The following CNTNAP2 variants were observed in gnomAD, a reference collection of about 807,000 sequenced individuals.
CNTNAP2 encodes the protein contactin associated protein 2, also known as contactin-associated protein-like 2.
In CNTNAP2, 98 loss-of-function variants were observed where a neutral mutation model predicts 155.2. That is an observed-to-expected ratio of 0.63 (90% CI 0.54 to 0.75). CNTNAP2 has a LOEUF of 0.75. CNTNAP2 is among the 30% of genes least tolerant of loss of function. The probability of loss-of-function intolerance (pLI) is 0.00; values close to 1 mark genes in which losing one functional copy is unlikely to be tolerated. For missense variants in CNTNAP2, 1,727 were observed against 1,688.1 expected (o/e 1.02, Z -0.40); for synonymous variants, 651 against 631.2 (o/e 1.03, Z -0.47).
chr7:148,161,198 G>C (rs77647939), intron 17 of CNTNAP2, among the ~76,000 whole-genome samples: 1 of 152,076 alleles, frequency 6.6e-6, no homozygotes, highest in Non-Finnish European at 1.5e-5. Context: ...TTTTGCTGCC[G>C]CTTCATGTCG....
In CNTNAP2 at chr7:147,485,930, G is replaced by C. The variant is rs754404154; in HGVS notation, c.1671-5G>C. On this transcript the variant is annotated splice_polypyrimidine_tract_variant and splice_region_variant and intron_variant, in intron 10 of 23. Transcript: ENST00000361727. ...TTTATTTCTGTTTGTCTCTCTCTCT[G>C]ACAGATGTGTGCCCAATCACTGTGA... 1 of 1,613,782 alleles carries C rather than the reference G, an allele frequency of 6.2e-7. No individual in the cohort carries two copies. Among genetic ancestry groups the C allele is most frequent in the Non-Finnish European group, 8.5e-7 (1 of 1,179,738 alleles).
At chr7:148,364,817 C>A (rs957920799) in intron 21 of CNTNAP2, among the ~76,000 whole-genome samples, 5 of 152,192 alleles carry the variant, frequency 3.3e-5, no homozygotes, top group Non-Finnish European at 5.9e-5. Context: ...CCGCTCGGGT[C>A]CTCTTCCACA....
chr7:147,802,451 C>T (rs564117653), intron 13 of CNTNAP2, among the ~76,000 whole-genome samples: 27 of 152,214 alleles, frequency 1.8e-4, no homozygotes, highest in African/African-American at 6.3e-4. Context: ...TTGTAGCGAG[C>T]CGAGATCAGG....
At chr7:146,762,107 G>A (rs1290009626) in intron 1 of CNTNAP2, among the ~76,000 whole-genome samples, 2 of 152,100 alleles carry the variant, frequency 1.3e-5, no homozygotes, top group African/African-American at 4.8e-5. Flanking sequence ...GTTCATTAGA[G>A]ACAAAAAGTT....
chr7:147,718,805 C>T (rs182754685), intron 13 of CNTNAP2, among the ~76,000 whole-genome samples: 2 of 152,102 alleles, frequency 1.3e-5, no homozygotes, highest in Non-Finnish European at 2.9e-5. Flanking sequence ...CTTCCTGAGC[C>T]CAATGTAATA....
chr7:148,415,382 T>C (rs758943667), intron 23 of CNTNAP2, 35 bp from the exon 24 acceptor site: 3 of 1,608,118 alleles, frequency 1.9e-6, no homozygotes, highest in Middle Eastern at 1.7e-4. Flanking sequence ...TCCCAAGCCC[T>C]GTCTAACCTC....
At chr7:146,996,732 C>T (rs1212100337) in intron 3 of CNTNAP2, among the ~76,000 whole-genome samples, 1 of 152,020 alleles carries the variant, frequency 6.6e-6, no homozygotes, top group African/African-American at 2.4e-5. Flanking sequence ...CTGGCTAGGA[C>T]TTCTAGTACC....
intron 10 of CNTNAP2, among the ~76,000 whole-genome samples, chr7:147,419,620 A>C (rs934523573): frequency 1.3e-5 from 2 of 152,184 alleles, no homozygotes; most frequent in Non-Finnish European, 2.9e-5. Flanking sequence ...GCCTGAGCTT[A>C]AATTTTGGCT....
chr7:146,844,555 G>A (rs769956903), intron 3 of CNTNAP2, among the ~76,000 whole-genome samples: 1 of 152,094 alleles, frequency 6.6e-6, no homozygotes, highest in Non-Finnish European at 1.5e-5. Context: ...TGTATCAGAA[G>A]TCCATTAAAC....
At chr7:148,194,725 G>A (rs1046356243) in intron 18 of CNTNAP2, among the ~76,000 whole-genome samples, 1 of 152,066 alleles carries the variant, frequency 6.6e-6, no homozygotes. Flanking sequence ...GAGTCCCAGG[G>A]CATGAGAAGA....
At chr7:146,183,508 A>C (rs1798578488) in intron 1 of CNTNAP2, among the ~76,000 whole-genome samples, 1 of 151,930 alleles carries the variant, frequency 6.6e-6, no homozygotes, top group Admixed American at 6.6e-5. Flanking sequence ...GTAAAAGGCC[A>C]TCCAACTGTG....
intron 3 of CNTNAP2, among the ~76,000 whole-genome samples, chr7:146,885,931 GTGTGTGT>G (rs1562987245): frequency 8.8e-4 from 10 of 11,356 alleles, no homozygotes; most frequent in East Asian, 0.05. Context: ...GTAAGTCGGT[GTGTGTGT>G]GTGTGTGTGT....
intron 2 of CNTNAP2, among the ~76,000 whole-genome samples, chr7:146,810,672 GT>G (rs1292441849): frequency 2.6e-5 from 4 of 151,674 alleles, no homozygotes; most frequent in Non-Finnish European, 5.9e-5. Flanking sequence ...TCCATACTAG[GT>G]TGAATAGAAG....
At chr7:148,142,448 G>A (rs1409030792) in intron 16 of CNTNAP2, among the ~76,000 whole-genome samples, 1 of 152,112 alleles carries the variant, frequency 6.6e-6, no homozygotes, top group Non-Finnish European at 1.5e-5. Context: ...CATAGAGTGA[G>A]GCTGAAATAT....
At position 148,047,461 on chromosome 7, in the gene CNTNAP2, C is replaced by T. The variant is rs532480345; in HGVS notation, c.2383+69472C>T. ...GGCATGTTTTCCCCATAAGGCACAT[C>T]ACAGCCTTCTTGTGCTTAGGAACAC... On this transcript the variant is annotated intron_variant, in intron 15 of 23. Transcript: ENST00000361727. 2.0e-5 allele frequency among the ~76,000 whole-genome samples: 3 copies of T among 152,298 alleles called. No homozygotes were observed. The East Asian group carries it at 5.8e-4, about 29-fold the overall frequency.
intron 13 of CNTNAP2, among the ~76,000 whole-genome samples, chr7:147,690,728 T>C (rs1796075990): frequency 6.6e-6 from 1 of 151,908 alleles, no homozygotes; most frequent in African/African-American, 2.4e-5. Flanking sequence ...TTAGAATCAT[T>C]TATAAAACTT....
At chr7:146,957,172 T>C (rs978617227) in intron 3 of CNTNAP2, among the ~76,000 whole-genome samples, 1 of 152,220 alleles carries the variant, frequency 6.6e-6, no homozygotes, top group Admixed American at 6.5e-5. Context: ...CTATTTTTCC[T>C]AGGCTATAAA....
intron 13 of CNTNAP2, among the ~76,000 whole-genome samples, chr7:147,826,431 G>A (rs1029654987): frequency 5.9e-5 from 9 of 152,146 alleles, no homozygotes; most frequent in African/African-American, 2.2e-4. Context: ...TTGACTTAAA[G>A]ATTGGCTTAT....
At chr7:147,707,966 GGAT>G (rs1796341568) in intron 13 of CNTNAP2, among the ~76,000 whole-genome samples, 1 of 152,114 alleles carries the variant, frequency 6.6e-6, no homozygotes, top group Non-Finnish European at 1.5e-5. Context: ...CCAGGCCCTT[GGAT>G]GTCATGTCTG....
Sources: gnomAD v4.1 joint callset for allele counts (sites outside exome capture counted in the v4.1 genomes callset) on GRCh38, gnomAD v4.1.1 for gene constraint, MANE v1.5 for transcripts, NCBI Gene and HGNC (gene_info 2026-07-23, HGNC 2026-07-21) for gene names.